Variants in LRP2 observed in about 807,000 individuals in gnomAD.
The protein encoded by LRP2 is low-density lipoprotein receptor-related protein 2.
Under a neutral mutation model 531.0 loss-of-function variants are expected in LRP2, and 172 were observed. The ratio of observed to expected loss-of-function variants is 0.32; its 90% confidence interval spans 0.29 to 0.37. The LOEUF is 0.37. Among genes scored for constraint, LRP2 ranks in the 10% least tolerant of loss-of-function variants. The probability of loss-of-function intolerance (pLI) is 1.00; values close to 1 mark genes in which losing one functional copy is unlikely to be tolerated. For missense variants in LRP2, 5,167 were observed against 5,868.3 expected (o/e 0.88, Z 3.90); for synonymous variants, 1,992 against 2,027.6 (o/e 0.98, Z 0.47).
At chr2:169,336,402 C>T (rs979395808) in intron 1 of LRP2, among the ~76,000 whole-genome samples, 13 of 151,120 alleles carry the variant, frequency 8.6e-5, no homozygotes, top group African/African-American at 2.2e-4. Context: ...TAGCCAGGCG[C>T]GGTGGCATGC....
chr2:169,198,480 C>A (rs186720516), intron 45 of LRP2, among the ~76,000 whole-genome samples: 1 of 152,218 alleles, frequency 6.6e-6, no homozygotes, highest in East Asian at 1.9e-4. Context: ...AAGGGCTTAA[C>A]GGGCAAATTC....
chr2:169,258,032 T>C lies in LRP2; in HGVS notation c.2514-783A>G, dbSNP rs1268429970. On this transcript the variant is annotated intron_variant, in intron 17 of 78. Coordinates refer to ENST00000649046, the MANE Select transcript of LRP2 (RefSeq NM_004525.3). ...GGCCAAAAGTTTGAGTTAAGACAAA[T>C]TCATTAAAAAACTAAACTGTTTAAC... Among the ~76,000 whole-genome samples, 7 of 152,142 alleles carry C rather than the reference T, an allele frequency of 4.6e-5. No individual in the cohort carries two copies. The East Asian group carries it at 1.2e-3, about 25-fold the overall frequency.
chr2:169,267,828 G>GA (rs1174893289), intron 16 of LRP2, among the ~76,000 whole-genome samples: 1 of 151,766 alleles, frequency 6.6e-6, no homozygotes, highest in Non-Finnish European at 1.5e-5. Context: ...CTGGTTTTTT[G>GA]AAAAAATGAA....
intron 47 of LRP2, among the ~76,000 whole-genome samples, chr2:169,192,550 G>A (rs1380745079): frequency 6.6e-6 from 1 of 152,100 alleles, no homozygotes; most frequent in African/African-American, 2.4e-5. Flanking sequence ...TCCAAATTTA[G>A]TGCTTTTCCA....
intron 1 of LRP2, among the ~76,000 whole-genome samples, chr2:169,338,404 GAAAGAAAAGA>G (rs200025742): frequency 9.6e-6 from 1 of 104,606 alleles, no homozygotes; most frequent in Non-Finnish European, 2.0e-5. Flanking sequence ...AAGAAAGAAA[GAAAGAAAAGA>G]AAAGAAAAGA....
chr2:169,233,545 A>G lies in LRP2; in HGVS notation c.4964T>C (p.Val1655Ala), dbSNP rs1448817868. ...ACGAGTAGCACGGTCAGTCCAGTAC[A>G]CAGAGTCTTCAAAGAGAGTTAGGGC... ...PYALTLFEDS[V>A]YWTDRATRRV... is the part of the protein sequence containing the mutation. Residue 1655 changes from valine to alanine, a missense_variant, in exon 30 of 79, where the codon GTG becomes GCG. By Grantham distance (64) the Val-to-Ala change is moderately conservative. Transcript: ENST00000649046. 1 of 1,614,056 alleles carries G rather than the reference A, an allele frequency of 6.2e-7. No homozygotes were observed. Among genetic ancestry groups the G allele is most frequent in the Non-Finnish European group, 8.5e-7 (1 of 1,180,046 alleles).
At position 169,186,710 on chromosome 2, in the gene LRP2, G is replaced by A. The variant is rs568351789; in HGVS notation, c.9329-691C>T. On this transcript the variant is annotated intron_variant, in intron 49 of 78. Transcript: ENST00000649046. ...GCTACAGTCTTATTATCTGCAAAGAGAACAGGGTACAGAAGATCACTAGTA... is the reference window on the plus strand; with the variant it reads ...GCTACAGTCTTATTATCTGCAAAGAAAACAGGGTACAGAAGATCACTAGTA... Among the ~76,000 whole-genome samples, 23 of 152,326 alleles carry A rather than the reference G, an allele frequency of 1.5e-4. No individual in the cohort carries two copies. The South Asian group carries it at 4.6e-3, about 30-fold the overall frequency.
At chr2:169,297,911 A>G (rs1398145164) in intron 4 of LRP2, among the ~76,000 whole-genome samples, 1 of 152,064 alleles carries the variant, frequency 6.6e-6, no homozygotes, top group Non-Finnish European at 1.5e-5. Context: ...ACATAGAAAA[A>G]ACCATTATTA....
intron 1 of LRP2, 75 bp from the exon 2 acceptor site, chr2:169,320,959 A>T: frequency 9.3e-7 from 1 of 1,073,580 alleles, no homozygotes; most frequent in Non-Finnish European, 1.4e-6. Context: ...ATTTTTGATA[A>T]AATGAAAAAT....
At chr2:169,225,279 G>T in intron 33 of LRP2, 31 bp downstream of exon 33, 1 of 1,605,338 alleles carries the variant, frequency 6.2e-7, no homozygotes, top group Non-Finnish European at 8.5e-7. Flanking sequence ...TAAATCCAAT[G>T]TTTGTGTAAG....
chr2:169,326,176 C>G (rs1685049598), intron 1 of LRP2, among the ~76,000 whole-genome samples: 1 of 36,182 alleles, frequency 2.8e-5, no homozygotes, highest in Non-Finnish European at 6.1e-5. Flanking sequence ...CTCCCTCCCC[C>G]TCTCCCCTCT....
chr2:169,138,013 A>G (rs1558972008), intron 75 of LRP2, among the ~76,000 whole-genome samples: 1 of 152,138 alleles, frequency 6.6e-6, no homozygotes, highest in East Asian at 1.9e-4. Flanking sequence ...CTCATAAAGT[A>G]TTTCATTTGG....
At chr2:169,303,375 T>C (rs1273491906) in intron 4 of LRP2, among the ~76,000 whole-genome samples, 3 of 152,210 alleles carry the variant, frequency 2.0e-5, no homozygotes, top group Non-Finnish European at 4.4e-5. Flanking sequence ...ATCTTGATAA[T>C]CTTTACAATC....
intron 63 of LRP2, among the ~76,000 whole-genome samples, chr2:169,160,682 T>TAAAAAAAAAAAAAAAAAAAAA (rs781574242): frequency 7.6e-5 from 4 of 52,816 alleles, no homozygotes; most frequent in African/African-American, 2.9e-4. Context: ...CTTATTTCCT[T>TAAAAAAAAAAAAAAAAAAAAA]AAAAAAAAAA....
chr2:169,331,312 A>G (rs958986017), intron 1 of LRP2, among the ~76,000 whole-genome samples: 22 of 152,222 alleles, frequency 1.4e-4, no homozygotes, highest in African/African-American at 5.3e-4. Context: ...AATTAAAAAT[A>G]TAAATTGACA....
At chr2:169,183,557 C>T (rs1687517129) in intron 50 of LRP2, among the ~76,000 whole-genome samples, 1 of 152,144 alleles carries the variant, frequency 6.6e-6, no homozygotes, top group African/African-American at 2.4e-5. Context: ...GTTGCTATTA[C>T]CATTCAAGTC....
intron 31 of LRP2, among the ~76,000 whole-genome samples, chr2:169,231,325 G>GA (rs374441177): frequency 2.8e-4 from 39 of 138,376 alleles, no homozygotes; most frequent in Admixed American, 1.4e-3. Context: ...AAAGAAAAAA[G>GA]AAAAAAAAAA....
At chr2:169,310,530 C>T (rs1684564082) in intron 3 of LRP2, among the ~76,000 whole-genome samples, 1 of 152,208 alleles carries the variant, frequency 6.6e-6, no homozygotes, top group Non-Finnish European at 1.5e-5. Flanking sequence ...TTGAACCAGC[C>T]TTGCATCCCA....
At chr2:169,190,170 T>C (rs955392937) in intron 48 of LRP2, among the ~76,000 whole-genome samples, 2 of 152,196 alleles carry the variant, frequency 1.3e-5, no homozygotes, top group Non-Finnish European at 1.5e-5. Flanking sequence ...TCTTGAGCAG[T>C]AGGGAGAAAA....
Sources: allele counts gnomAD v4.1 joint callset (sites outside exome capture counted in the v4.1 genomes callset), GRCh38; gene constraint gnomAD v4.1.1; transcripts MANE v1.5; gene names NCBI Gene and HGNC (gene_info 2026-07-23, HGNC 2026-07-21).